The following PLXDC2 variants were observed in gnomAD, a reference collection of about 807,000 sequenced individuals.
PLXDC2 encodes the protein plexin domain-containing protein 2.
Under a neutral mutation model 68.9 loss-of-function variants are expected in PLXDC2, and 40 were observed. That is an observed-to-expected ratio of 0.58 (90% confidence interval 0.45 to 0.76). The LOEUF (loss-of-function observed/expected upper bound fraction) is 0.76, where lower values mean the gene tolerates loss of function less well. PLXDC2 is among the 30% of genes least tolerant of loss of function. The pLI is 0.00. For missense variants in PLXDC2, 644 were observed against 661.9 expected, an observed-to-expected ratio of 0.97 and a Z score of 0.30; for synonymous variants, 243 against 234.2, an observed-to-expected ratio of 1.04 and a Z score of -0.34.
At chr10:20,140,084 A>G (rs920719223) in intron 4 of PLXDC2, among the ~76,000 whole-genome samples, 1 of 152,064 alleles carries the variant, frequency 6.6e-6, no homozygotes, top group Non-Finnish European at 1.5e-5. Flanking sequence ...ACAGATCACG[A>G]GGTCAGGAGA....
intron 4 of PLXDC2, among the ~76,000 whole-genome samples, chr10:20,129,925 T>C (rs539987511): frequency 6.6e-6 from 1 of 152,120 alleles, no homozygotes; most frequent in African/African-American, 2.4e-5. Context: ...TTGTAGTAGA[T>C]TTTGAAATCA....
chr10:19,972,402 G>A (rs147919087), intron 1 of PLXDC2, among the ~76,000 whole-genome samples: 215 of 152,276 alleles, frequency 1.4e-3, no homozygotes, highest in Non-Finnish European at 2.6e-3. Flanking sequence ...CTGAGGACTT[G>A]TGGACATTGA....
In PLXDC2 at chr10:19,838,348, G is replaced by A. The variant is rs560599056; in HGVS notation, c.112+21157G>A. 7.2e-5 allele frequency among the ~76,000 whole-genome samples: 11 copies of A among 152,166 alleles called. No individual in the cohort carries two copies. The South Asian group carries it at 1.5e-3, about 20-fold the overall frequency. On this transcript the variant is annotated intron_variant, in intron 1 of 13. Transcript: ENST00000377252. The stretch of plus-strand genomic sequence containing the variant: ...ATAGATTATGGAATTATTCATTTAC[G>A]TATAAAAGACTGAAAACAACTCAAG...
At chr10:20,061,343 G>A (rs554324812) in intron 3 of PLXDC2, among the ~76,000 whole-genome samples, 1 of 152,156 alleles carries the variant, frequency 6.6e-6, no homozygotes, top group African/African-American at 2.4e-5. Context: ...CAGTTATTCT[G>A]TACAATGTCC....
intron 1 of PLXDC2, among the ~76,000 whole-genome samples, chr10:19,903,672 T>C (rs1289571068): frequency 6.7e-6 from 1 of 149,150 alleles, no homozygotes; most frequent in Non-Finnish European, 1.5e-5. Context: ...TTTGTTTCAC[T>C]TTCATTTAGT....
intron 1 of PLXDC2, among the ~76,000 whole-genome samples, chr10:19,939,953 A>G (rs1355087686): frequency 3.3e-5 from 5 of 151,908 alleles, no homozygotes; most frequent in Non-Finnish European, 7.4e-5. Flanking sequence ...GATGTCAAAG[A>G]AGGGAACGAA....
chr10:19,974,759 A>G (rs547142578), intron 1 of PLXDC2, among the ~76,000 whole-genome samples: 10 of 152,206 alleles, frequency 6.6e-5, no homozygotes, highest in African/African-American at 9.7e-5. Context: ...TTGGCATTCA[A>G]TAGATTTCAG....
intron 2 of PLXDC2, among the ~76,000 whole-genome samples, chr10:20,027,054 A>C (rs965241754): frequency 3.0e-5 from 4 of 134,642 alleles, no homozygotes; most frequent in Non-Finnish European, 4.7e-5. Context: ...ATTCTAATAT[A>C]TAGAATACAC....
At chr10:19,957,383 C>T (rs566954656) in intron 1 of PLXDC2, among the ~76,000 whole-genome samples, 19 of 152,140 alleles carry the variant, frequency 1.2e-4, no homozygotes, top group East Asian at 5.8e-4. Context: ...TTCTGATACC[C>T]GAAAGTAGCC....
At chr10:20,269,695 A>G (rs1300274331) in intron 13 of PLXDC2, among the ~76,000 whole-genome samples, 1 of 152,144 alleles carries the variant, frequency 6.6e-6, no homozygotes, top group East Asian at 1.9e-4. Flanking sequence ...TCATTCTACA[A>G]GCAGCGAGAA....
chr10:20,212,941 A>G (rs1835088497), intron 10 of PLXDC2, among the ~76,000 whole-genome samples: 1 of 152,142 alleles, frequency 6.6e-6, no homozygotes. Context: ...GAATATCTCC[A>G]TATATGTAAA....
At chr10:19,934,338 C>T (rs947520081) in intron 1 of PLXDC2, among the ~76,000 whole-genome samples, 1 of 152,158 alleles carries the variant, frequency 6.6e-6, no homozygotes, top group Non-Finnish European at 1.5e-5. Flanking sequence ...TTTCTCAGGT[C>T]CTTTTTTAGA....
At chr10:19,943,291 A>T (rs1833848098) in intron 1 of PLXDC2, among the ~76,000 whole-genome samples, 1 of 151,920 alleles carries the variant, frequency 6.6e-6, no homozygotes. Flanking sequence ...TTTTTTCAGT[A>T]TACACATGTA....
chr10:19,882,534 C>G (rs1837747036), intron 1 of PLXDC2, among the ~76,000 whole-genome samples: 1 of 152,190 alleles, frequency 6.6e-6, no homozygotes, highest in South Asian at 2.1e-4. Flanking sequence ...AGTCCAAAGT[C>G]AGGTACTTCT....
chr10:19,824,504 T>C (rs578185650), intron 1 of PLXDC2, among the ~76,000 whole-genome samples: 9 of 152,336 alleles, frequency 5.9e-5, no homozygotes, highest in African/African-American at 2.2e-4. Context: ...TCCAGCCCTT[T>C]GGCTTTATTC....
chr10:20,036,152 C>T (rs1359187483), intron 2 of PLXDC2, among the ~76,000 whole-genome samples: 3 of 151,936 alleles, frequency 2.0e-5, no homozygotes, highest in African/African-American at 7.3e-5. Context: ...AACGTTGTAC[C>T]CCCCGCCCAC....
At chr10:20,168,171 A>T (rs189339277) in intron 7 of PLXDC2, among the ~76,000 whole-genome samples, 45 of 152,256 alleles carry the variant, frequency 3.0e-4, no homozygotes, top group African/African-American at 9.9e-4. Context: ...GACTTATGTT[A>T]AAAAAGGTGG....
At chr10:19,955,074 ATTTTTTT>A (rs750051734) in intron 1 of PLXDC2, among the ~76,000 whole-genome samples, 132 of 99,292 alleles carry the variant, frequency 1.3e-3, no homozygotes, top group Admixed American at 4.0e-3. Flanking sequence ...CCTTTCACTG[ATTTTTTT>A]TTTTTTTTTT....
chr10:19,986,155 A>T (rs756647332), intron 1 of PLXDC2, among the ~76,000 whole-genome samples: 7 of 152,168 alleles, frequency 4.6e-5, no homozygotes, highest in African/African-American at 1.2e-4. Flanking sequence ...TTTCACAAAC[A>T]GGAACTTAGG....
Sources: gnomAD v4.1 joint callset for allele counts (sites outside exome capture counted in the v4.1 genomes callset) on GRCh38, gnomAD v4.1.1 for gene constraint, MANE v1.5 for transcripts, NCBI Gene and HGNC (gene_info 2026-07-23, HGNC 2026-07-21) for gene names.